CDCA5: variants seen among roughly 807,000 people sequenced by gnomAD.
The protein encoded by CDCA5 is sororin.
CDCA5 carries 14 observed loss-of-function variants against 25.7 expected under a neutral mutation model. The observed-to-expected ratio is 0.54, with a 90% CI of 0.36 to 0.85. CDCA5 has a LOEUF of 0.85. CDCA5 is among the 40% of genes least tolerant of loss of function. The probability of loss-of-function intolerance (pLI) is 0.01; values close to 1 mark genes in which losing one functional copy is unlikely to be tolerated. For missense variants in CDCA5, 307 were observed against 324.5 expected, an observed-to-expected ratio of 0.95 and a Z score of 0.41; for synonymous variants, 127 against 128.7, an observed-to-expected ratio of 0.99 and a Z score of 0.09.
intron 1 of CDCA5, chr11:65,068,737 C>A: frequency 2.8e-6 from 1 of 355,840 alleles, no homozygotes; most frequent in Non-Finnish European, 5.4e-6. Context: ...AAGCCAGACC[C>A]CCTCAAAGTG....
At chr11:65,061,667 C>T (rs979375750), downstream of CDCA5, among the ~76,000 whole-genome samples, 1 of 149,726 alleles carries the variant, frequency 6.7e-6, no homozygotes, top group African/African-American at 2.4e-5. Context: ...CCCAGCTACT[C>T]TGGAGGCTGA....
chr11:65,076,764 C>T (rs188216926), downstream of CDCA5, among the ~76,000 whole-genome samples: 26 of 152,308 alleles, frequency 1.7e-4, no homozygotes, highest in African/African-American at 5.8e-4. Flanking sequence ...CAGGGTCCCA[C>T]AGCACCTGCT....
chr11:65,081,733 A>G (rs1224403311), intron 4 of CDCA5, among the ~76,000 whole-genome samples: 1 of 152,196 alleles, frequency 6.6e-6, no homozygotes, highest in East Asian at 1.9e-4. Flanking sequence ...TAGGAGGCCA[A>G]GGTGGGAGGA....
At chr11:65,066,851 C>T (rs1947248446) in exon 5 of CDCA5, 2 of 1,289,340 alleles carry the variant, frequency 1.6e-6, no homozygotes, top group South Asian at 2.5e-5. Flanking sequence ...AGGTTGTGCA[C>T]TTGGGTGGTG....
intron 1 of CDCA5, 80 bp downstream of exon 1, chr11:65,083,853 G>A: frequency 1.9e-6 from 3 of 1,593,852 alleles, no homozygotes; most frequent in African/African-American, 1.3e-5. Context: ...CGGCGGCAGC[G>A]GGAGGGAAGA....
At chr11:65,083,748 G>T (rs1947628247) in intron 1 of CDCA5, 25 bp from the exon 2 acceptor site, 4 of 1,599,236 alleles carry the variant, frequency 2.5e-6, no homozygotes, top group Admixed American at 3.4e-5. Context: ...AAGTTAAGTG[G>T]TAGAGGAGGA....
At chr11:65,075,142 A>ACC (rs1305599379), downstream of CDCA5, among the ~76,000 whole-genome samples, 8 of 151,556 alleles carry the variant, frequency 5.3e-5, no homozygotes, top group African/African-American at 1.9e-4. Flanking sequence ...CACGCCTATA[A>ACC]CCCCAGCACT....
chr11:65,073,958 G>C (rs1166131948), downstream of CDCA5, among the ~76,000 whole-genome samples: 1 of 152,186 alleles, frequency 6.6e-6, no homozygotes, highest in African/African-American at 2.4e-5. Flanking sequence ...GCCGGGATCA[G>C]GGAGAGCAAG....
downstream of CDCA5, among the ~76,000 whole-genome samples, chr11:65,076,841 G>T (rs1947455795): frequency 1.3e-5 from 2 of 152,204 alleles, no homozygotes; most frequent in Non-Finnish European, 2.9e-5. Context: ...GCCTGAAAGG[G>T]AATGGGGAAC....
chr11:65,072,189 T>C (rs144128536), intron 1 of CDCA5, among the ~76,000 whole-genome samples: 4 of 152,348 alleles, frequency 2.6e-5, no homozygotes, highest in Middle Eastern at 3.4e-3. Flanking sequence ...GAGAAAACCA[T>C]GGCTCAAGAA....
At position 65,083,394 on chromosome 11, in the gene CDCA5, T is replaced by A; in HGVS notation, c.213A>T (p.Pro71=). 1 of 1,614,220 alleles carries A rather than the reference T, an allele frequency of 6.2e-7. No homozygotes were observed. The highest frequency in any genetic ancestry group is 8.5e-7 in the Non-Finnish European group (1 of 1,180,024). Residue 71 remains proline (P), a synonymous_variant, in exon 4 of 6, where the codon CCA becomes CCT. Coordinates refer to ENST00000275517, the MANE Select transcript of CDCA5 (RefSeq NM_080668.4). ...GGCTCCTGCGAGGTGATTGGACAGC[T>A]GGGACCTGCGGGGGACAATACCAAT... ...KRIVAHAVEV[P]AVQSPRRSPR... is the part of the protein sequence containing the mutation.
chr11:65,062,387 G>A (rs1274831829), downstream of CDCA5, among the ~76,000 whole-genome samples: 2 of 152,106 alleles, frequency 1.3e-5, no homozygotes, highest in African/African-American at 4.8e-5. Flanking sequence ...TCATGACAGT[G>A]GCCATAGAGC....
chr11:65,073,575 G>C (rs1193742225), downstream of CDCA5, among the ~76,000 whole-genome samples: 1 of 152,218 alleles, frequency 6.6e-6, no homozygotes, highest in Non-Finnish European at 1.5e-5. Flanking sequence ...CAAGCAGCTC[G>C]CAGCCTGCGG....
downstream of CDCA5, among the ~76,000 whole-genome samples, chr11:65,075,705 T>G (rs888740727): frequency 6.6e-6 from 1 of 152,188 alleles, no homozygotes; most frequent in Non-Finnish European, 1.5e-5. Context: ...TGAGCAGAGC[T>G]TCAGATGACT....
chr11:65,061,834 G>A (rs918027709), downstream of CDCA5, among the ~76,000 whole-genome samples: 20 of 146,506 alleles, frequency 1.4e-4, no homozygotes, highest in Non-Finnish European at 2.4e-4. Context: ...CAATACAAAT[G>A]ACTAAATATA....
chr11:65,072,768 C>A (rs1321608561), downstream of CDCA5, among the ~76,000 whole-genome samples: 1 of 152,062 alleles, frequency 6.6e-6, no homozygotes, highest in Non-Finnish European at 1.5e-5. Flanking sequence ...GTTTACACAG[C>A]TACTGTGTAA....
downstream of CDCA5, among the ~76,000 whole-genome samples, chr11:65,074,496 C>T (rs558502484): frequency 6.4e-4 from 98 of 152,284 alleles, no homozygotes; most frequent in Non-Finnish European, 1.3e-3. Context: ...AATAATGCTG[C>T]TAGGAACTTG....
chr11:65,076,145 T>C (rs779898493), downstream of CDCA5, among the ~76,000 whole-genome samples: 1 of 152,204 alleles, frequency 6.6e-6, no homozygotes, highest in African/African-American at 2.4e-5. Flanking sequence ...AACAGGGTCT[T>C]TACTCTGTTG....
chr11:65,079,010 A>C lies in CDCA5; in HGVS notation c.*97T>G. ...AGCACCAGCACACACACAGGTAACA[A>C]GACCAGGGGAGGGGACCCTAAGTGT... On this transcript the variant is annotated 3_prime_UTR_variant, in exon 6 of 6. Coordinates refer to ENST00000275517, the MANE Select transcript of CDCA5 (RefSeq NM_080668.4). 2 of 1,369,290 alleles carry C rather than the reference A, an allele frequency of 1.5e-6. No individual in the cohort carries two copies. Among genetic ancestry groups the C allele is most frequent in the Non-Finnish European group, 9.4e-7 (1 of 1,062,048 alleles). The allele number at this position is 1,369,290 out of a possible 1,614,324, so 84.8% of individuals were successfully genotyped here.
Sources: allele counts gnomAD v4.1 joint callset (sites outside exome capture counted in the v4.1 genomes callset), GRCh38; gene constraint gnomAD v4.1.1; transcripts MANE v1.5; gene names NCBI Gene and HGNC (gene_info 2026-07-23, HGNC 2026-07-21).